The following SLC16A7 variants were observed in gnomAD, a reference collection of about 807,000 sequenced individuals.
SLC16A7 encodes the protein monocarboxylate transporter 2.
SLC16A7 carries 33 observed loss-of-function variants against 34.9 expected under a neutral mutation model. The observed-to-expected ratio is 0.94, with a 90% CI of 0.72 to 1.26. The LOEUF (loss-of-function observed/expected upper bound fraction) is 1.26, where lower values mean the gene tolerates loss of function less well. Ranked by LOEUF, SLC16A7 falls within the 50% of genes most tolerant of loss-of-function variation. The pLI is 0.00. For missense variants in SLC16A7, 573 were observed against 578.1 expected (o/e 0.99, Z 0.09); for synonymous variants, 201 against 206.6 (o/e 0.97, Z 0.23).
chr12:59,668,508 T>C (rs1869400809), intron 2 of SLC16A7, among the ~76,000 whole-genome samples: 1 of 152,200 alleles, frequency 6.6e-6, no homozygotes, highest in Non-Finnish European at 1.5e-5. Context: ...TTTTTGCCAA[T>C]TTCTACATTT....
At chr12:59,700,588 A>G (rs1214207808) in intron 2 of SLC16A7, among the ~76,000 whole-genome samples, 1 of 150,764 alleles carries the variant, frequency 6.6e-6, no homozygotes, top group Non-Finnish European at 1.5e-5. Context: ...AAAATGTAAT[A>G]TATTTAGTTT....
chr12:59,751,800 T>C (rs775778778), intron 3 of SLC16A7, among the ~76,000 whole-genome samples: 3 of 152,172 alleles, frequency 2.0e-5, no homozygotes, highest in Non-Finnish European at 4.4e-5. Flanking sequence ...GCAGACTGCC[T>C]CCTCAAGTGG....
intron 2 of SLC16A7, among the ~76,000 whole-genome samples, chr12:59,675,916 G>GAC (rs1870272936): frequency 6.8e-6 from 1 of 147,934 alleles, no homozygotes; most frequent in African/African-American, 2.5e-5. Flanking sequence ...AAATTCCCCA[G>GAC]ATATATATAT....
At chr12:59,714,627 C>T (rs1241511292) in intron 3 of SLC16A7, among the ~76,000 whole-genome samples, 8 of 151,748 alleles carry the variant, frequency 5.3e-5, no homozygotes, top group African/African-American at 1.7e-4. Flanking sequence ...TGCAGTGGCA[C>T]GATCTAGGCT....
chr12:59,615,812 G>T (rs1444417229), intron 1 of SLC16A7, among the ~76,000 whole-genome samples: 2 of 152,184 alleles, frequency 1.3e-5, no homozygotes, highest in Admixed American at 1.3e-4. Flanking sequence ...ATTCATGAGA[G>T]ATGTGAATTT....
intron 2 of SLC16A7, among the ~76,000 whole-genome samples, chr12:59,699,431 T>A (rs1358793737): frequency 2.0e-5 from 3 of 151,486 alleles, no homozygotes; most frequent in Non-Finnish European, 4.4e-5. Context: ...TTAGAAAAAA[T>A]TTTAAAATTA....
At chr12:59,700,090 G>C (rs1253973214) in intron 2 of SLC16A7, among the ~76,000 whole-genome samples, 4 of 151,756 alleles carry the variant, frequency 2.6e-5, no homozygotes, top group African/African-American at 9.7e-5. Context: ...ATGAGTTACA[G>C]CGCTATTCGC....
chr12:59,626,681 G>T (rs1418952003), intron 1 of SLC16A7, among the ~76,000 whole-genome samples: 1 of 151,636 alleles, frequency 6.6e-6, no homozygotes, highest in Admixed American at 6.6e-5. Flanking sequence ...TAAAATACAG[G>T]CCTGAGCTCA....
intron 4 of SLC16A7, 138 bp downstream of exon 4, chr12:59,771,500 C>T: frequency 1.9e-6 from 1 of 525,970 alleles, no homozygotes. Context: ...ATATTTTCAT[C>T]TAGTACATTG....
chr12:59,649,323 C>T (rs1461774585), intron 1 of SLC16A7, among the ~76,000 whole-genome samples: 1 of 151,944 alleles, frequency 6.6e-6, no homozygotes, highest in Non-Finnish European at 1.5e-5. Context: ...GCTGTGTAAG[C>T]GAGGGATTGC....
chr12:59,606,885 C>A (rs2136961946), intron 1 of SLC16A7, among the ~76,000 whole-genome samples: 1 of 151,948 alleles, frequency 6.6e-6, no homozygotes, highest in Non-Finnish European at 1.5e-5. Context: ...TATATATATA[C>A]ACACACCCAC....
chr12:59,750,372 A>T (rs960923356), intron 3 of SLC16A7, among the ~76,000 whole-genome samples: 6 of 152,340 alleles, frequency 3.9e-5, no homozygotes, highest in African/African-American at 1.4e-4. Context: ...TTTACAAGAA[A>T]AAAACAACCC....
chr12:59,626,223 C>G (rs1025616695), intron 1 of SLC16A7, among the ~76,000 whole-genome samples: 3 of 147,852 alleles, frequency 2.0e-5, no homozygotes, highest in South Asian at 2.1e-4. Flanking sequence ...TTATGTCCTC[C>G]TTTTAAGTCC....
In SLC16A7 at chr12:59,705,009, T is replaced by C. The variant is rs1467320443; in HGVS notation, c.208T>C (p.Tyr70His). Residue 70 changes from tyrosine to histidine, a missense_variant, in exon 3 of 6, where the codon TAC becomes CAC. Tyr to His is a moderately conservative substitution (Grantham distance 83). Coordinates refer to ENST00000547379, the MANE Select transcript of SLC16A7 (RefSeq NM_001270623.2). ...WISSIMLAVM[Y>H]AGGPVSSVLV... ...TTCATCCATTATGCTGGCTGTTATG[T>C]ACGCAGGAGGTAAGCTTCTTGCAAT... The C allele has an allele frequency of 1.2e-6, 2 of 1,604,504 alleles. No individual in the cohort carries two copies. The highest frequency in any genetic ancestry group is 4.5e-5 in the East Asian group (2 of 44,852).
At chr12:59,654,080 T>G (rs1424866341) in intron 1 of SLC16A7, among the ~76,000 whole-genome samples, 2 of 151,330 alleles carry the variant, frequency 1.3e-5, no homozygotes, top group East Asian at 3.9e-4. Context: ...TAAGTAGCAA[T>G]ATTAATGTTA....
chr12:59,737,397 G>A (rs1877722436), intron 3 of SLC16A7, among the ~76,000 whole-genome samples: 1 of 152,188 alleles, frequency 6.6e-6, no homozygotes, highest in African/African-American at 2.4e-5. Context: ...AGAATTCTAA[G>A]GAGTGATTTT....
chr12:59,725,706 A>G (rs1458319944), intron 3 of SLC16A7, among the ~76,000 whole-genome samples: 1 of 152,102 alleles, frequency 6.6e-6, no homozygotes, highest in Non-Finnish European at 1.5e-5. Flanking sequence ...ACTTTTCAAT[A>G]TGTTTGAGCC....
intron 1 of SLC16A7, among the ~76,000 whole-genome samples, chr12:59,625,341 T>C (rs1244525342): frequency 6.6e-6 from 1 of 151,826 alleles, no homozygotes; most frequent in Non-Finnish European, 1.5e-5. Context: ...TGTGTATTAG[T>C]TCACATTCTT....
In SLC16A7 at chr12:59,774,970, G is replaced by A. The variant is rs372882050; in HGVS notation, c.675G>A (p.Thr225=). 1.1e-5 allele frequency: 17 copies of A among 1,613,802 alleles called. No individual in the cohort carries two copies. In the African/African-American group the frequency reaches 1.9e-4, roughly 18 times the overall value. The change falls in exon 5 of 6, where the codon ACG becomes ACA. Residue 225 remains threonine, a synonymous_variant. Coordinates refer to ENST00000547379, the MANE Select transcript of SLC16A7 (RefSeq NM_001270623.2). ...ATTCAAGCCCAAAGAAAATCAAAAC[G>A]AAGAAATCAACTTGGGAAAAAGTTA... ...EDDSSPKKIK[T]KKSTWEKVNK...
Sources: gnomAD v4.1 joint callset for allele counts (sites outside exome capture counted in the v4.1 genomes callset) on GRCh38, gnomAD v4.1.1 for gene constraint, MANE v1.5 for transcripts, NCBI Gene and HGNC (gene_info 2026-07-23, HGNC 2026-07-21) for gene names.